CHCHD3: variants seen among roughly 807,000 people sequenced by gnomAD.
The protein encoded by CHCHD3 is coiled-coil-helix-coiled-coil-helix domain containing 3.
Under a neutral mutation model 38.2 loss-of-function variants are expected in CHCHD3, and 20 were observed. That is an observed-to-expected ratio of 0.52 (90% CI 0.37 to 0.76). The LOEUF is 0.76. Ranked by LOEUF, CHCHD3 falls within the 30% of genes least tolerant of loss-of-function variation. The pLI is 0.00. For missense variants in CHCHD3, 245 were observed against 279.2 expected, an observed-to-expected ratio of 0.88 and a Z score of 0.87; for synonymous variants, 82 against 100.0, an observed-to-expected ratio of 0.82 and a Z score of 1.07.
intron 3 of CHCHD3, among the ~76,000 whole-genome samples, chr7:132,984,081 CCTCTCTTT>C (rs1401816291): frequency 1.2e-3 from 174 of 151,136 alleles, no homozygotes; most frequent in Middle Eastern, 3.4e-3. Context: ...TCTCCCTCTC[CCTCTCTTT>C]CCACGGTCTC....
chr7:132,971,341 T>G (rs1198415616), intron 4 of CHCHD3, among the ~76,000 whole-genome samples: 2 of 152,180 alleles, frequency 1.3e-5, no homozygotes, highest in Non-Finnish European at 2.9e-5. Flanking sequence ...GTCAACTGAT[T>G]AAAATGCTGG....
intron 6 of CHCHD3, among the ~76,000 whole-genome samples, chr7:132,800,877 G>C (rs1052469074): frequency 3.9e-5 from 6 of 152,060 alleles, no homozygotes; most frequent in Admixed American, 3.9e-4. Flanking sequence ...TTTTTTAACA[G>C]GTTCTGATAA....
intron 4 of CHCHD3, among the ~76,000 whole-genome samples, chr7:132,916,691 C>G (rs1385799654): frequency 2.0e-5 from 3 of 152,154 alleles, no homozygotes. Flanking sequence ...AAGTGATCCT[C>G]CCACCTCAGC....
intron 5 of CHCHD3, among the ~76,000 whole-genome samples, chr7:132,872,624 C>T (rs1451859760): frequency 2.0e-5 from 3 of 152,164 alleles, no homozygotes; most frequent in African/African-American, 4.8e-5. Flanking sequence ...TCTAATCATG[C>T]CCTGTAATAA....
chr7:132,812,211 T>C (rs1468291615), intron 6 of CHCHD3, among the ~76,000 whole-genome samples: 11 of 136,942 alleles, frequency 8.0e-5, no homozygotes, highest in South Asian at 2.6e-4. Flanking sequence ...TTTTTTTTTT[T>C]TTTTTTTTTT....
chr7:132,895,347 G>C (rs1176504160), intron 4 of CHCHD3, among the ~76,000 whole-genome samples: 1 of 152,210 alleles, frequency 6.6e-6, no homozygotes, highest in Non-Finnish European at 1.5e-5. Flanking sequence ...ACTGTAGAAT[G>C]TTTAGCAGTA....
At chr7:132,987,510 C>G (rs6947082) in intron 3 of CHCHD3, among the ~76,000 whole-genome samples, 108,071 of 152,140 alleles carry the variant, frequency 0.71, 38,554 homozygotes, top group African/African-American at 0.75. Context: ...CCACACCAGA[C>G]GAATTAACAG....
chr7:133,019,624 A>G (rs1344538799), intron 3 of CHCHD3, among the ~76,000 whole-genome samples: 1 of 152,180 alleles, frequency 6.6e-6, no homozygotes, highest in Non-Finnish European at 1.5e-5. Flanking sequence ...AATCTCAACT[A>G]ATGTCCATTG....
At chr7:132,830,856 C>T (rs1409995238) in intron 6 of CHCHD3, 1 of 152,104 alleles carries the variant, frequency 6.6e-6, no homozygotes, top group Non-Finnish European at 1.5e-5. Flanking sequence ...ACAAAGGGTA[C>T]AGGTATATTT....
At chr7:133,078,173 G>A (rs1815059268) in intron 1 of CHCHD3, among the ~76,000 whole-genome samples, 1 of 152,146 alleles carries the variant, frequency 6.6e-6, no homozygotes, top group Non-Finnish European at 1.5e-5. Context: ...GCAGGGCATG[G>A]TGGCACAGGC....
chr7:132,984,110 C>T (rs1584619586), intron 3 of CHCHD3, among the ~76,000 whole-genome samples: 1 of 151,718 alleles, frequency 6.6e-6, no homozygotes, highest in Non-Finnish European at 1.5e-5. Flanking sequence ...CCCCTGATGC[C>T]GAGCCAAAGC....
chr7:132,914,106 C>A (rs1810037676), intron 4 of CHCHD3, among the ~76,000 whole-genome samples: 1 of 149,626 alleles, frequency 6.7e-6, no homozygotes, highest in Admixed American at 6.7e-5. Context: ...ATTACAGATG[C>A]CCACCACCAT....
In CHCHD3 at chr7:133,015,981, CCAGAT is replaced by C. The variant is rs539608133; in HGVS notation, c.251+8560_251+8564del. On this transcript the variant is annotated intron_variant, in intron 3 of 7. Transcript: ENST00000262570. Reference sequence around the variant, plus strand: ...GGGACTGTCACACACTTTTAAACAACCAGATCTCATGAGAAATCTATCACAAGAAC... The same window carrying C: ...GGGACTGTCACACACTTTTAAACAACCTCATGAGAAATCTATCACAAGAAC... Among the ~76,000 whole-genome samples, 729 of 152,108 alleles carry C rather than the reference CCAGAT, an allele frequency of 4.8e-3. 6 individuals carry two copies. The highest frequency in any genetic ancestry group is 0.017 in the African/African-American group (702 of 41,492).
chr7:133,027,731 A>G (rs1437060033), intron 2 of CHCHD3, among the ~76,000 whole-genome samples: 1 of 152,166 alleles, frequency 6.6e-6, no homozygotes, highest in Non-Finnish European at 1.5e-5. Context: ...AAGGGGTCAA[A>G]CAAAACTTAG....
At chr7:132,919,977 C>T (rs1331986227) in intron 4 of CHCHD3, among the ~76,000 whole-genome samples, 6 of 152,128 alleles carry the variant, frequency 3.9e-5, no homozygotes, top group African/African-American at 1.4e-4. Flanking sequence ...TCTCACTTCT[C>T]GGGTTTCTGG....
At chr7:133,004,046 C>T (rs1379224936) in intron 3 of CHCHD3, among the ~76,000 whole-genome samples, 1 of 152,014 alleles carries the variant, frequency 6.6e-6, no homozygotes, top group Non-Finnish European at 1.5e-5. Flanking sequence ...CAACCTCCGC[C>T]GTGGAGCGAT....
intron 4 of CHCHD3, among the ~76,000 whole-genome samples, chr7:132,893,523 G>A (rs1395554269): frequency 2.6e-5 from 4 of 152,190 alleles, no homozygotes; most frequent in African/African-American, 9.6e-5. Flanking sequence ...CTGTGAGGAA[G>A]GCCTGATTAA....
chr7:132,830,884 G>A (rs1189888475), intron 6 of CHCHD3: 1 of 152,066 alleles, frequency 6.6e-6, no homozygotes, highest in African/African-American at 2.4e-5. Flanking sequence ...CTAGAATTTT[G>A]CCTCTTCAAT....
At chr7:133,058,042 A>C (rs1021833453) in intron 2 of CHCHD3, among the ~76,000 whole-genome samples, 1 of 152,174 alleles carries the variant, frequency 6.6e-6, no homozygotes, top group African/African-American at 2.4e-5. Flanking sequence ...CAGAGAAGAC[A>C]ACATGTTATT....
Sources: allele counts gnomAD v4.1 joint callset (sites outside exome capture counted in the v4.1 genomes callset), GRCh38; gene constraint gnomAD v4.1.1; transcripts MANE v1.5; gene names NCBI Gene and HGNC (gene_info 2026-07-23, HGNC 2026-07-21).